Variants in EFCAB11 observed in about 807,000 individuals in gnomAD.
The protein encoded by EFCAB11 is EF-hand calcium-binding domain-containing protein 11.
In EFCAB11, 14 loss-of-function variants were observed where a neutral mutation model predicts 23.0. The observed-to-expected ratio is 0.61, with a 90% CI of 0.40 to 0.95. EFCAB11 has a LOEUF of 0.95. Ranked by LOEUF, EFCAB11 falls within the 40% of genes least tolerant of loss-of-function variation. The pLI is 0.00. For missense variants in EFCAB11, 198 were observed against 195.8 expected (o/e 1.01, Z -0.07); for synonymous variants, 65 against 66.6 (o/e 0.98, Z 0.11).
intron 5 of EFCAB11, among the ~76,000 whole-genome samples, chr14:89,876,767 G>T (rs1888452134): frequency 1.3e-5 from 2 of 152,202 alleles, no homozygotes; most frequent in Non-Finnish European, 2.9e-5. Flanking sequence ...GTCCTTGCCT[G>T]CAGGACATGT....
chr14:89,928,347 T>C (rs1242158974), intron 5 of EFCAB11, among the ~76,000 whole-genome samples: 1 of 152,152 alleles, frequency 6.6e-6, no homozygotes, highest in Non-Finnish European at 1.5e-5. Context: ...CTAGAAATTA[T>C]TAATACTTAA....
At chr14:89,903,945 T>C (rs953074451) in intron 5 of EFCAB11, among the ~76,000 whole-genome samples, 4 of 152,136 alleles carry the variant, frequency 2.6e-5, no homozygotes, top group Non-Finnish European at 5.9e-5. Flanking sequence ...ATTAATTCTG[T>C]TCCTCTAGAG....
chr14:89,891,349 T>G (rs966235466), intron 5 of EFCAB11, among the ~76,000 whole-genome samples: 1 of 152,184 alleles, frequency 6.6e-6, no homozygotes, highest in Admixed American at 6.5e-5. Context: ...TAGAAAACTA[T>G]AAGATGTAAC....
chr14:89,877,347 T>C (rs993685236), intron 5 of EFCAB11, among the ~76,000 whole-genome samples: 3 of 152,074 alleles, frequency 2.0e-5, no homozygotes, highest in Non-Finnish European at 2.9e-5. Context: ...CAACCAAAAG[T>C]ATTTTTGAGT....
chr14:89,870,818 G>A (rs2140162400), intron 5 of EFCAB11, among the ~76,000 whole-genome samples: 1 of 150,582 alleles, frequency 6.6e-6, no homozygotes, highest in East Asian at 2.0e-4. Flanking sequence ...GTGGGCGCCT[G>A]TAGTCTAGCT....
At position 89,897,557 on chromosome 14, in the gene EFCAB11, T is replaced by C. The variant is rs139321736; in HGVS notation, c.410+33984A>G. On this transcript the variant is annotated intron_variant, in intron 5 of 5. Transcript: ENST00000316738. ...AATAATAAACACTCACTTCAGGATA[T>C]TGGTTCCTATGGAAAAAGGCAGGAA... Among the ~76,000 whole-genome samples the C allele has an allele frequency of 4.6e-5, 7 of 152,266 alleles. No individual in the cohort carries two copies. The East Asian group carries it at 9.6e-4, about 21-fold the overall frequency.
At chr14:89,922,452 C>G (rs891435709) in intron 5 of EFCAB11, among the ~76,000 whole-genome samples, 8 of 152,174 alleles carry the variant, frequency 5.3e-5, no homozygotes, top group African/African-American at 1.4e-4. Flanking sequence ...AACACAACAC[C>G]CTTTTTTCTC....
At chr14:89,812,305 A>G (rs1886176088) in intron 5 of EFCAB11, among the ~76,000 whole-genome samples, 1 of 152,232 alleles carries the variant, frequency 6.6e-6, no homozygotes, top group Non-Finnish European at 1.5e-5. Context: ...ATATAAAAGG[A>G]TATTTGAAAA....
At chr14:89,797,371 C>G in intron 5 of EFCAB11, 47 bp from the exon 6 acceptor site, 1 of 1,525,192 alleles carries the variant, frequency 6.6e-7, no homozygotes. Context: ...CTCGTTAACA[C>G]CTATGCACCG....
chr14:89,932,043 A>AT (rs1890408575), intron 4 of EFCAB11, among the ~76,000 whole-genome samples: 1 of 152,176 alleles, frequency 6.6e-6, no homozygotes, highest in African/African-American at 2.4e-5. Context: ...GAAGGAAACC[A>AT]TAACAGCAGT....
intron 5 of EFCAB11, among the ~76,000 whole-genome samples, chr14:89,804,201 TG>T (rs1566764435): frequency 1.3e-5 from 2 of 152,222 alleles, no homozygotes; most frequent in East Asian, 3.9e-4. Context: ...TGAAAAGGAG[TG>T]TTAAGGCCTT....
At chr14:89,836,706 C>A in intron 5 of EFCAB11, 1 of 456,090 alleles carries the variant, frequency 2.2e-6, no homozygotes, top group Non-Finnish European at 4.4e-6. Context: ...AATAGTTTAC[C>A]TTGATTTATA....
At chr14:89,897,077 T>C (rs1889191815) in intron 5 of EFCAB11, among the ~76,000 whole-genome samples, 1 of 151,932 alleles carries the variant, frequency 6.6e-6, no homozygotes, top group Admixed American at 6.6e-5. Flanking sequence ...GGATAAATAT[T>C]AGAAACACTA....
chr14:89,816,008 C>G (rs542106811), intron 5 of EFCAB11, among the ~76,000 whole-genome samples: 9 of 152,156 alleles, frequency 5.9e-5, no homozygotes, highest in Non-Finnish European at 1.0e-4. Context: ...TTAATCCTTC[C>G]AATCCATGAG....
intron 5 of EFCAB11, among the ~76,000 whole-genome samples, chr14:89,881,306 G>A (rs1404856651): frequency 6.6e-6 from 1 of 150,578 alleles, no homozygotes; most frequent in African/African-American, 2.4e-5. Context: ...GTAAAAGGCT[G>A]AATAACTGAG....
chr14:89,885,222 T>C (rs1026517632), intron 5 of EFCAB11, among the ~76,000 whole-genome samples: 4 of 152,358 alleles, frequency 2.6e-5, no homozygotes, highest in African/African-American at 9.6e-5. Context: ...ATAAAATATG[T>C]GTAAAACTTT....
intron 5 of EFCAB11, chr14:89,836,888 G>A (rs1323021252): frequency 2.1e-5 from 8 of 380,160 alleles, no homozygotes; most frequent in Non-Finnish European, 3.1e-5. Context: ...CTGTGATGGC[G>A]CACGTCTATA....
intron 5 of EFCAB11, among the ~76,000 whole-genome samples, chr14:89,842,929 C>T (rs75643068): frequency 0.024 from 3,648 of 152,270 alleles, 145 homozygotes; most frequent in African/African-American, 0.083. Flanking sequence ...TAAGAATCAG[C>T]AGAGAGACAC....
At chr14:89,894,531 T>G (rs1368953234) in intron 5 of EFCAB11, among the ~76,000 whole-genome samples, 1 of 149,508 alleles carries the variant, frequency 6.7e-6, no homozygotes, top group Non-Finnish European at 1.5e-5. Flanking sequence ...CTAGACCAGA[T>G]AAGAAATTCT....
Sources: gnomAD v4.1 joint callset for allele counts (sites outside exome capture counted in the v4.1 genomes callset) on GRCh38, gnomAD v4.1.1 for gene constraint, MANE v1.5 for transcripts, NCBI Gene and HGNC (gene_info 2026-07-23, HGNC 2026-07-21) for gene names.